Variants in RNF216 observed in about 807,000 individuals in gnomAD.
RNF216 encodes the protein ring finger protein 216.
Under a neutral mutation model 110.8 loss-of-function variants are expected in RNF216, and 72 were observed. That is an observed-to-expected ratio of 0.65 (90% CI 0.54 to 0.79). RNF216 has a LOEUF of 0.79. Among genes scored for constraint, RNF216 ranks in the 30% least tolerant of loss-of-function variants. The probability of loss-of-function intolerance (pLI) is 0.00; values close to 1 mark genes in which losing one functional copy is unlikely to be tolerated. For missense variants in RNF216, 1,342 were observed against 1,141.2 expected (o/e 1.18, Z -2.54); for synonymous variants, 495 against 407.5 (o/e 1.21, Z -2.59).
chr7:5,734,728 G>A (rs1409368304), intron 5 of RNF216, among the ~76,000 whole-genome samples: 1 of 151,520 alleles, frequency 6.6e-6, no homozygotes. Flanking sequence ...GGAGACTGAG[G>A]CAGGAGAATC....
chr7:5,757,445 C>CT (rs1183185864), intron 2 of RNF216, among the ~76,000 whole-genome samples: 1 of 151,834 alleles, frequency 6.6e-6, no homozygotes, highest in African/African-American at 2.4e-5. Context: ...CATGATGTAC[C>CT]TTTTTTCCTT....
intron 9 of RNF216, 81 bp from the exon 10 acceptor site, chr7:5,716,847 A>G (rs187640055): frequency 1.3e-5 from 14 of 1,103,436 alleles, no homozygotes; most frequent in Non-Finnish European, 1.9e-5. Flanking sequence ...TTCCATAAAC[A>G]TAACTCCAGT....
intron 4 of RNF216, among the ~76,000 whole-genome samples, chr7:5,740,041 G>T (rs1353106391): frequency 6.9e-6 from 1 of 145,606 alleles, no homozygotes; most frequent in Non-Finnish European, 1.5e-5. Flanking sequence ...AAAAAAACCC[G>T]CCTGGGTAAA....
At chr7:5,691,272 T>G (rs1230569974) in intron 13 of RNF216, among the ~76,000 whole-genome samples, 1 of 152,210 alleles carries the variant, frequency 6.6e-6, no homozygotes, top group Non-Finnish European at 1.5e-5. Context: ...ACGGCAGCAT[T>G]TGACTGCTAG....
At chr7:5,651,303 T>C (rs2128575975) in intron 14 of RNF216, among the ~76,000 whole-genome samples, 1 of 152,128 alleles carries the variant, frequency 6.6e-6, no homozygotes, top group Non-Finnish European at 1.5e-5. Flanking sequence ...TTTGGCTCAC[T>C]GCAACCTCTG....
chr7:5,770,024 C>CAAAAAAAAAAAAAA (rs1163710982), intron 1 of RNF216, among the ~76,000 whole-genome samples: 2 of 24,154 alleles, frequency 8.3e-5, no homozygotes, highest in African/African-American at 1.8e-4. Context: ...AGACCCATCT[C>CAAAAAAAAAAAAAA]AAAAAAAAAA....
intron 13 of RNF216, among the ~76,000 whole-genome samples, chr7:5,658,433 G>A (rs1471839784): frequency 6.6e-6 from 1 of 152,098 alleles, no homozygotes; most frequent in East Asian, 1.9e-4. Context: ...GATGTGGGCA[G>A]ATCACGTAAG....
chr7:5,780,279 G>T (rs13239017), intron 1 of RNF216: 1 of 152,054 alleles, frequency 6.6e-6, no homozygotes, highest in African/African-American at 2.4e-5. Flanking sequence ...TGGCCAGGCT[G>T]GAGCCAGGTG....
chr7:5,622,675 T>A lies in RNF216; in HGVS notation c.*185A>T. 1 of 617,850 alleles carries A rather than the reference T, an allele frequency of 1.6e-6. No homozygotes were observed. The highest frequency in any genetic ancestry group is 2.2e-5 in the South Asian group (1 of 44,764). 38.3% of individuals were successfully genotyped at this position (617,850 alleles called of 1,614,324 possible). ...CGAACTCCACCATTTGGGACGTCTTTATTATGGATCCGTCCACTCTTCCAG... is the reference window on the plus strand; with the variant it reads ...CGAACTCCACCATTTGGGACGTCTTAATTATGGATCCGTCCACTCTTCCAG... On this transcript the variant is annotated 3_prime_UTR_variant, in exon 17 of 17. Coordinates refer to ENST00000389902, the MANE Select transcript of RNF216 (RefSeq NM_207111.4).
At chr7:5,681,118 C>T (rs117872398) in intron 13 of RNF216, among the ~76,000 whole-genome samples, 281 of 152,284 alleles carry the variant, frequency 1.8e-3, no homozygotes, top group Non-Finnish European at 3.2e-3. Flanking sequence ...TCTTTGAACG[C>T]CTAGCCTCTT....
chr7:5,709,742 AG>A (rs1049826317), intron 13 of RNF216, among the ~76,000 whole-genome samples: 1 of 45,206 alleles, frequency 2.2e-5, no homozygotes, highest in Non-Finnish European at 9.4e-5. Context: ...GTGTGCCCTC[AG>A]GCTTTTATTT....
At chr7:5,740,795 C>A (rs988459874) in intron 4 of RNF216, among the ~76,000 whole-genome samples, 178 bp downstream of exon 4, 2 of 151,920 alleles carry the variant, frequency 1.3e-5, no homozygotes, top group East Asian at 1.9e-4. Context: ...AGTAAAGGAA[C>A]CCTGATTCCA....
chr7:5,700,007 C>T lies in RNF216; in HGVS notation c.2061+11754G>A, dbSNP rs117104162. ...AAGAAATTCCACCCAACAGCAGCTT[C>T]AGCTTAGGCTTTGCTCTCATCTTGC... is the stretch of plus-strand genomic sequence containing the variant. On this transcript the variant is annotated intron_variant, in intron 13 of 16. Transcript: ENST00000389902. Among the ~76,000 whole-genome samples, 891 of 152,352 alleles carry T rather than the reference C, an allele frequency of 5.8e-3. 11 individuals are homozygous for T. Among genetic ancestry groups the T allele is most frequent in the Admixed American group, 0.036 (545 of 15,298 alleles).
intron 3 of RNF216, among the ~76,000 whole-genome samples, chr7:5,745,651 G>C (rs1196599873): frequency 2.6e-5 from 4 of 151,994 alleles, no homozygotes; most frequent in African/African-American, 4.8e-5. Flanking sequence ...TGTAATCTCA[G>C]CACTTTGGGA....
intron 2 of RNF216, 128 bp downstream of exon 2, chr7:5,760,875 C>T: frequency 1.4e-6 from 1 of 731,596 alleles, no homozygotes; most frequent in African/African-American, 1.8e-5. Context: ...TCTAACTAGT[C>T]TTTTTGTCAA....
At chr7:5,757,382 T>C (rs1380538445) in intron 2 of RNF216, among the ~76,000 whole-genome samples, 3 of 146,334 alleles carry the variant, frequency 2.1e-5, no homozygotes, top group Non-Finnish European at 4.5e-5. Flanking sequence ...ATCAGTTGTA[T>C]TTGATATTAC....
chr7:5,765,701 G>C (rs147368023), intron 1 of RNF216, among the ~76,000 whole-genome samples: 2,986 of 151,542 alleles, frequency 0.02, 46 homozygotes, highest in Non-Finnish European at 0.031. Context: ...CCAGTACTTC[G>C]GGCGGCTGAG....
intron 15 of RNF216, among the ~76,000 whole-genome samples, chr7:5,637,926 A>G (rs1301005968): frequency 2.6e-5 from 4 of 152,178 alleles, no homozygotes; most frequent in African/African-American, 9.6e-5. Flanking sequence ...GCTCACTGCA[A>G]TCTCTGCTTC....
chr7:5,631,102 T>C (rs765706397), intron 15 of RNF216, among the ~76,000 whole-genome samples: 5 of 152,074 alleles, frequency 3.3e-5, no homozygotes, highest in Non-Finnish European at 2.9e-5. Context: ...AAACCTCCTT[T>C]CTCCCCTTAC....
Sources: gnomAD v4.1 joint callset for allele counts (sites outside exome capture counted in the v4.1 genomes callset) on GRCh38, gnomAD v4.1.1 for gene constraint, MANE v1.5 for transcripts, NCBI Gene and HGNC (gene_info 2026-07-23, HGNC 2026-07-21) for gene names.